TLE6: variants seen among roughly 807,000 people sequenced by gnomAD.
TLE6 encodes the protein TLE family member 6, subcortical maternal complex member.
In TLE6, 72 loss-of-function variants were observed where a neutral mutation model predicts 77.1. That is an observed-to-expected ratio of 0.93 (90% CI 0.77 to 1.14). TLE6 has a LOEUF of 1.14. TLE6 is among the 50% of genes most tolerant of loss of function. The pLI is 0.00. For synonymous variants in TLE6, 366 were observed against 287.3 expected (o/e 1.27, Z -2.77); for missense variants, 843 against 747.6 (o/e 1.13, Z -1.49).
chr19:2,987,275 ACAGGCTGCGTCT>A, intron 7 of TLE6, 37 bp downstream of exon 7: 2 of 1,614,152 alleles, frequency 1.2e-6, no homozygotes. Context: ...AGGGGCAGCC[ACAGGCTGCGTCT>A]CAGGGGCTGT....
chr19:2,986,915 G>A (rs1342906102), intron 6 of TLE6, 24 bp downstream of exon 6: 3 of 1,552,626 alleles, frequency 1.9e-6, no homozygotes, highest in Non-Finnish European at 2.6e-6. Flanking sequence ...TCTTCAAGGA[G>A]GGGAGGGGAC....
In TLE6 at chr19:2,982,057, AG is replaced by A; in HGVS notation, c.181-87del. ...AAACAAAAATTTAAGGTGGGGGAGTAGGGGCCAGAGAGGTAGAGCAGCTTGC... is the reference window on the plus strand; with the variant it reads ...AAACAAAAATTTAAGGTGGGGGAGTAGGGCCAGAGAGGTAGAGCAGCTTGC... On this transcript the variant is annotated intron_variant, in intron 4 of 16. Coordinates refer to ENST00000246112, the MANE Select transcript of TLE6 (RefSeq NM_001143986.2). 4.5e-6 allele frequency: 6 copies of A among 1,336,168 alleles called. No homozygotes were observed. In the South Asian group the frequency reaches 5.1e-5, roughly 11 times the overall value. The allele number at this position is 1,336,168 out of a possible 1,614,324, so 82.8% of individuals were successfully genotyped here.
rs1448247153 is a variant in TLE6, at chr19:2,991,041, CATATATGT to C, written c.1245-798_1245-791del. On this transcript the variant is annotated intron_variant, in intron 13 of 16. Transcript: ENST00000246112. The stretch of plus-strand genomic sequence containing the variant: ...ACATACATACATACATACATACATA[CATATATGT>C]ATACACACACACATATTAAATATAT... Among the ~76,000 whole-genome samples, 204 of 72,820 alleles carry C rather than the reference CATATATGT, an allele frequency of 2.8e-3. 2 individuals are homozygous for C. The highest frequency in any genetic ancestry group is 0.025 in the African/African-American group (184 of 7,272). 47.8% of individuals were successfully genotyped at this position (72,820 alleles called of 152,430 possible).
intron 3 of TLE6, 135 bp downstream of exon 3, chr19:2,980,317 T>C (rs903975076): frequency 1.2e-5 from 7 of 607,216 alleles, no homozygotes; most frequent in East Asian, 3.1e-5. Context: ...GCCATGCAGA[T>C]ACCCAGCATG....
intron 13 of TLE6, among the ~76,000 whole-genome samples, chr19:2,991,498 G>A (rs536251432): frequency 6.7e-5 from 10 of 149,828 alleles, no homozygotes; most frequent in East Asian, 3.9e-4. Context: ...AATGGCTGAC[G>A]TAAAATACAG....
chr19:2,993,612 C>A, intron 15 of TLE6, 30 bp downstream of exon 15: 1 of 1,527,142 alleles, frequency 6.5e-7, no homozygotes, highest in Non-Finnish European at 8.8e-7. Flanking sequence ...TGAGGGGACT[C>A]CCCTGCAGCC....
rs150666789 is a variant in TLE6 at position 2,993,747 on chromosome 19, G to T, written c.1537+165G>T. Among the ~76,000 whole-genome samples, 137 of 152,086 alleles carry T rather than the reference G, an allele frequency of 9.0e-4. No individual in the cohort carries two copies. In the Middle Eastern group the frequency reaches 0.014, roughly 15 times the overall value. On this transcript the variant is annotated intron_variant, in intron 15 of 16. Coordinates refer to ENST00000246112, the MANE Select transcript of TLE6 (RefSeq NM_001143986.2). ...CTTATAGTGGAATGAGGGAGGGAAGGGGGTGGGTGCCTGGGCCCTTCCTCC... is the reference window on the plus strand; with the variant it reads ...CTTATAGTGGAATGAGGGAGGGAAGTGGGTGGGTGCCTGGGCCCTTCCTCC...
intron 13 of TLE6, among the ~76,000 whole-genome samples, chr19:2,991,449 A>AAAT (rs2089062237): frequency 6.6e-6 from 1 of 150,494 alleles, no homozygotes; most frequent in East Asian, 1.9e-4. Context: ...ATGTATTTAT[A>AAAT]ACATATAAGA....
chr19:2,983,537 G>A (rs573653666), intron 5 of TLE6, among the ~76,000 whole-genome samples: 1 of 152,228 alleles, frequency 6.6e-6, no homozygotes, highest in African/African-American at 2.4e-5. Flanking sequence ...CAGCCTGTGT[G>A]AAGGCCCTGA....
chr19:2,981,456 C>A, intron 3 of TLE6, 82 bp from the exon 4 acceptor site: 1 of 1,457,912 alleles, frequency 6.9e-7, no homozygotes, highest in Non-Finnish European at 9.4e-7. Flanking sequence ...TGAGACCCTC[C>A]CTAGGGGTTG....
intron 13 of TLE6, among the ~76,000 whole-genome samples, chr19:2,990,654 T>C (rs1475736586): frequency 1.5e-5 from 1 of 67,230 alleles, no homozygotes; most frequent in East Asian, 2.3e-4. Flanking sequence ...TATATATAAA[T>C]ACATAAATAT....
intron 14 of TLE6, among the ~76,000 whole-genome samples, 199 bp downstream of exon 14, chr19:2,992,183 A>C (rs986086465): frequency 1.3e-5 from 2 of 152,032 alleles, no homozygotes; most frequent in African/African-American, 4.8e-5. Context: ...TAAAAATACA[A>C]AAATCAGAGC....
intron 15 of TLE6, 121 bp from the exon 16 acceptor site, chr19:2,993,898 G>A (rs2089145226): frequency 6.7e-6 from 6 of 888,972 alleles, no homozygotes; most frequent in Non-Finnish European, 8.8e-6. Context: ...TCCAGCCTGG[G>A]TGACAGAGTG....
In TLE6 at chr19:2,995,056, T is replaced by TTC. The variant is rs144994820; in HGVS notation, c.*52_*53insTC. ...CGGCTCCTCTTTTCATCCCCCCCCTTCCCCCCCCCCAACAAGGGGGACATG... is the reference window on the plus strand; with the variant it reads ...CGGCTCCTCTTTTCATCCCCCCCCTTTCCCCCCCCCCCAACAAGGGGGACATG... On this transcript the variant is annotated 3_prime_UTR_variant, in exon 17 of 17. Transcript: ENST00000246112. 4 of 828,062 alleles carry TTC rather than the reference T, an allele frequency of 4.8e-6. No homozygotes were observed. In the African/African-American group the frequency reaches 5.2e-5, roughly 11 times the overall value. The allele number at this position is 828,062 out of a possible 1,614,324, so 51.3% of individuals were successfully genotyped here. A position where few individuals can be genotyped will look rare whatever the true frequency, so the allele number is the denominator to read the frequency against.
rs1435358896 is a variant in TLE6 at position 2,988,205 on chromosome 19, G to A, written c.740+77G>A. 9.2e-6 allele frequency: 13 copies of A among 1,417,482 alleles called. No individual in the cohort carries two copies. In the Admixed American group the frequency reaches 1.0e-4, roughly 11 times the overall value. 87.8% of individuals were successfully genotyped at this position (1,417,482 alleles called of 1,614,324 possible). On this transcript the variant is annotated intron_variant, in intron 11 of 16. Transcript: ENST00000246112. ...CCTTCCTGTCTATACCTCTGTTCCC[G>A]ACACATAGAGGGGAACAGAGGTGTA...
chr19:2,981,690 G>A (rs573299533), intron 4 of TLE6, 107 bp downstream of exon 4: 21 of 1,210,740 alleles, frequency 1.7e-5, no homozygotes, highest in African/African-American at 1.4e-4. Flanking sequence ...GTTCTTTTCC[G>A]CCAAGCACTG....
At chr19:2,980,323 G>A (rs1038604036) in intron 3 of TLE6, 141 bp downstream of exon 3, 10 of 576,296 alleles carry the variant, frequency 1.7e-5, no homozygotes, top group South Asian at 1.1e-4. Context: ...CAGATACCCA[G>A]CATGGAGAAC....
In TLE6 at chr19:2,987,990, G is replaced by C. The variant is rs761169221; in HGVS notation, c.702+16G>C. On this transcript the variant is annotated intron_variant, in intron 10 of 16. Transcript: ENST00000246112. The stretch of plus-strand genomic sequence containing the variant: ...TGTGGTCCAGGTGAGACCCAGGCCC[G>C]AGCTGGTAGCCCAGCGTGAAGGCTG... The C allele has an allele frequency of 2.5e-6, 4 of 1,606,808 alleles. No individual in the cohort carries two copies. In the South Asian group the frequency reaches 4.4e-5, roughly 18 times the overall value.
At chr19:2,991,039 TAC>T (rs750146084) in intron 13 of TLE6, among the ~76,000 whole-genome samples, 21,578 of 104,358 alleles carry the variant, frequency 0.21, 1,746 homozygotes, top group African/African-American at 0.26. Flanking sequence ...CATACATACA[TAC>T]ATATATGTAT....
Sources: allele counts gnomAD v4.1 joint callset (sites outside exome capture counted in the v4.1 genomes callset), GRCh38; gene constraint gnomAD v4.1.1; transcripts MANE v1.5; gene names NCBI Gene and HGNC (gene_info 2026-07-23, HGNC 2026-07-21).